Variants in HECTD4 observed in about 807,000 individuals in gnomAD.
HECTD4 encodes HECT domain E3 ubiquitin protein ligase 4.
Under a neutral mutation model 471.5 loss-of-function variants are expected in HECTD4, and 114 were observed. The observed-to-expected ratio is 0.24, with a 90% CI of 0.21 to 0.28. The LOEUF is 0.28. HECTD4 is among the 10% of genes least tolerant of loss of function. The pLI, the probability that HECTD4 is intolerant of heterozygous loss-of-function variation, is 1.00. For missense variants in HECTD4, 3,866 were observed against 5,651.5 expected (o/e 0.68, Z 10.13); for synonymous variants, 2,012 against 2,256.0 (o/e 0.89, Z 3.07).
In HECTD4 at chr12:112,163,743, C is replaced by A. The variant is rs1248998380; in HGVS notation, c.12702-6G>T. 4 of 1,459,308 alleles carry A rather than the reference C, an allele frequency of 2.7e-6. No homozygotes were observed. Among genetic ancestry groups the A allele is most frequent in the Non-Finnish European group, 3.6e-6 (4 of 1,101,360 alleles). The allele number at this position is 1,459,308 out of a possible 1,614,324, so 90.4% of individuals were successfully genotyped here. A position where few individuals can be genotyped will look rare whatever the true frequency, so the allele number is the denominator to read the frequency against. On this transcript the variant is annotated splice_polypyrimidine_tract_variant and splice_region_variant and intron_variant, in intron 73 of 75. Transcript: ENST00000682272. This position sits in a 1 kb window ranked among gnomAD's most constrained non-coding sequence, Gnocchi z 8.2. ...AGATGTCCTTGTTCTCCCACCTGCC[C>A]GGGTGAGGAGCACAGGTGAGGGAGA...
Position 112,319,528 on chromosome 12 carries a change from C to T in HECTD4, c.392G>A (p.Gly131Asp), listed in dbSNP as rs1211500789. ...CGCTTGCTCAGGTTGCTGCAACAAG[C>T]CCTGGCGTTTGAGCAGGGCCAAAGT... ...EETLALLKRQ[G>D]LLQQPEQAPF... Residue 131 changes from glycine (G) to aspartate (D), a missense_variant, in exon 2 of 76, where the codon GGC becomes GAC. Physicochemically the swap from Gly to Asp is moderately conservative, Grantham distance 94. Transcript: ENST00000682272. This position sits in a 1 kb window ranked among gnomAD's most constrained non-coding sequence, Gnocchi z 5.3. The T allele has an allele frequency of 1.4e-6, 2 of 1,456,666 alleles. No homozygotes were observed. Among genetic ancestry groups the T allele is most frequent in the East Asian group, 2.5e-5 (1 of 40,286 alleles). 90.2% of individuals were successfully genotyped at this position (1,456,666 alleles called of 1,614,324 possible). A position where few individuals can be genotyped will look rare whatever the true frequency, so the allele number is the denominator to read the frequency against.
At chr12:112,282,054 C>CTGGT (rs2034654287) in intron 8 of HECTD4, among the ~76,000 whole-genome samples, 9 of 152,006 alleles carry the variant, frequency 5.9e-5, no homozygotes, top group Admixed American at 2.6e-4. Context: ...AACATACTCC[C>CTGGT]TTAAAGGTGT....
intron 2 of HECTD4, among the ~76,000 whole-genome samples, chr12:112,318,050 G>A (rs985085487): frequency 9.2e-5 from 14 of 151,512 alleles, no homozygotes; most frequent in African/African-American, 2.9e-4. Context: ...TGAGGTGGGC[G>A]GATCACTTGA....
rs1480976108 is a variant in HECTD4, at chr12:112,163,008, C to G, written c.13120+34G>C. The G allele has an allele frequency of 1.3e-6, 2 of 1,502,236 alleles. No homozygotes were observed. Among genetic ancestry groups the G allele is most frequent in the African/African-American group, 2.7e-5 (2 of 73,106 alleles). The allele number at this position is 1,502,236 out of a possible 1,614,324, so 93.1% of individuals were successfully genotyped here. A position where few individuals can be genotyped will look rare whatever the true frequency, so the allele number is the denominator to read the frequency against. On this transcript the variant is annotated intron_variant, in intron 75 of 75. Transcript: ENST00000682272. The surrounding 1 kb of genome is among the most constrained non-coding windows in gnomAD (Gnocchi z 8.2). ...TCCAAACAGAGAAAGGCTAGTGTGT[C>G]CCTACTTGGGACATGGCCAGGGGAG...
intron 6 of HECTD4, 70 bp from the exon 7 acceptor site, chr12:112,306,304 A>T (rs190590561): frequency 2.5e-6 from 3 of 1,206,208 alleles, no homozygotes; most frequent in South Asian, 2.7e-5. Context: ...TCAGCTCATC[A>T]TTAATGCCAT....
chr12:112,242,104 G>C (rs1593967267), intron 32 of HECTD4, among the ~76,000 whole-genome samples: 1 of 152,172 alleles, frequency 6.6e-6, no homozygotes, highest in East Asian at 1.9e-4. Context: ...CATCTTCAGA[G>C]TTAGTATCTA....
intron 2 of HECTD4, 130 bp from the exon 3 acceptor site, chr12:112,314,676 ATGTGTTGT>A: frequency 1.6e-6 from 1 of 615,342 alleles, no homozygotes. Flanking sequence ...TGGTCAGATG[ATGTGTTGT>A]AAAAAAAATA....
chr12:112,164,004 T>A, intron 73 of HECTD4, 105 bp downstream of exon 73: 1 of 1,220,180 alleles, frequency 8.2e-7, no homozygotes, highest in East Asian at 2.9e-5. Context: ...ACCTGTCACC[T>A]GACCTAGGTC....
At chr12:112,180,047 C>T (rs969623615) in intron 62 of HECTD4, among the ~76,000 whole-genome samples, 4 of 152,186 alleles carry the variant, frequency 2.6e-5, no homozygotes, top group African/African-American at 9.7e-5. Flanking sequence ...AGTCATGAAC[C>T]CATCTGCATG....
intron 11 of HECTD4, 132 bp from the exon 12 acceptor site, chr12:112,270,591 G>A: frequency 2.8e-6 from 2 of 723,432 alleles, no homozygotes; most frequent in South Asian, 1.8e-5. Context: ...TTTCACTGCT[G>A]CCAGAGAACG....
chr12:112,259,561 C>G (rs914885948), intron 18 of HECTD4, among the ~76,000 whole-genome samples: 8 of 146,236 alleles, frequency 5.5e-5, no homozygotes, highest in Non-Finnish European at 1.2e-4. Context: ...CTCTTGTTAC[C>G]CAGGCTGGAG....
rs773525276 is a variant in HECTD4 at position 112,185,093 on chromosome 12, C to A, written c.9873G>T (p.Ser3291=). 1 of 1,572,898 alleles carries A rather than the reference C, an allele frequency of 6.4e-7. No individual in the cohort carries two copies. Among genetic ancestry groups the A allele is most frequent in the Non-Finnish European group, 8.6e-7 (1 of 1,158,578 alleles). ...CTGGGGAGGACGAGGAGGAGGAGGA[C>A]GAGTCACTGAGATTTGGGGCGGTCG... is the stretch of plus-strand genomic sequence containing the variant. The part of the protein sequence containing the change: ...TSATAPNLSD[S]SSSSSSSPGQ... Residue 3291 remains serine (S), a synonymous_variant, in exon 61 of 76, where the codon TCG becomes TCT. Transcript: ENST00000682272.
At chr12:112,310,979 T>C (rs2035357882) in intron 4 of HECTD4, among the ~76,000 whole-genome samples, 1 of 152,126 alleles carries the variant, frequency 6.6e-6, no homozygotes. Flanking sequence ...AGTTACACTG[T>C]GGCCAGGCAC....
chr12:112,176,021 A>G (rs936999436), intron 65 of HECTD4, among the ~76,000 whole-genome samples, 162 bp from the exon 66 acceptor site: 2 of 152,170 alleles, frequency 1.3e-5, no homozygotes, highest in Admixed American at 1.3e-4. Flanking sequence ...ATTGTGACCC[A>G]CTGCGCACAG....
At position 112,176,647 on chromosome 12, in the gene HECTD4, T is replaced by C; in HGVS notation, c.11419A>G (p.Ser3807Gly). Residue 3807 changes from serine (S) to glycine (G), a missense_variant, in exon 65 of 76, where the codon AGC becomes GGC. This residue lies in a region of HECTD4 where 715 missense variants were observed against 1,087.6 expected (regional missense o/e 0.66). Coordinates refer to ENST00000682272, the MANE Select transcript of HECTD4 (RefSeq NM_001388303.1). ...TCTGGGTCCTTTTCATCTGGTTTGC[T>C]CTTTTCTGGTGATTTTGGCTTCACA... Reference protein sequence around the residue: ...PTVKPKSPEKSKPDEKDPEKS... With the variant: ...PTVKPKSPEKGKPDEKDPEKS... 3 of 1,614,038 alleles carry C rather than the reference T, an allele frequency of 1.9e-6. No individual in the cohort carries two copies. Among genetic ancestry groups the C allele is most frequent in the Middle Eastern group, 1.6e-4 (1 of 6,062 alleles).
chr12:112,372,891 A>G (rs1479258145), intron 1 of HECTD4, among the ~76,000 whole-genome samples: 5 of 151,876 alleles, frequency 3.3e-5, no homozygotes, highest in African/African-American at 4.8e-5. Flanking sequence ...AGTAGCTGGG[A>G]CTACAAGTGC....
At chr12:112,269,214 G>A (rs1012318901) in intron 13 of HECTD4, among the ~76,000 whole-genome samples, 1 of 152,084 alleles carries the variant, frequency 6.6e-6, no homozygotes, top group African/African-American at 2.4e-5. Context: ...TTGCATTGTT[G>A]AGCACTTACT....
At position 112,306,229 on chromosome 12, in the gene HECTD4, G is replaced by T; in HGVS notation, c.1170C>A (p.Cys390Ter). Reference protein sequence around the residue: ...QVIDQNTLQVCQVVPMPANHL... With the variant: ...QVIDQNTLQV ...GATTGGCTGGCATTGGCACCACCTG[G>T]CACACCTGGGCATGAAAGGGAGGAA... Residue 390 changes from cysteine (C) to a stop codon, truncating the protein, a stop_gained, in exon 7 of 76, where the codon TGC becomes TGA. Coordinates refer to ENST00000682272, the MANE Select transcript of HECTD4 (RefSeq NM_001388303.1). LOFTEE classifies it high-confidence loss of function. 1 of 1,545,126 alleles carries T rather than the reference G, an allele frequency of 6.5e-7. No homozygotes were observed. The highest frequency in any genetic ancestry group is 8.7e-7 in the Non-Finnish European group (1 of 1,149,516).
At chr12:112,348,971 T>A (rs2036204306) in intron 1 of HECTD4, among the ~76,000 whole-genome samples, 1 of 152,176 alleles carries the variant, frequency 6.6e-6, no homozygotes, top group Non-Finnish European at 1.5e-5. Flanking sequence ...TTGTTTACAA[T>A]AAACACAAAT....
Sources: gnomAD v4.1 joint callset for allele counts (sites outside exome capture counted in the v4.1 genomes callset) on GRCh38, gnomAD v4.1.1 for gene constraint, gnomAD v4.1.1 regional missense constraint, Gnocchi (gnomAD v3.1) non-coding constraint, MANE v1.5 for transcripts, NCBI Gene and HGNC (gene_info 2026-07-23, HGNC 2026-07-21) for gene names.